The following TMEM51 variants were observed in gnomAD, a reference collection of about 807,000 sequenced individuals.
TMEM51 encodes the protein transmembrane protein 51, also known as chromosome 1 open reading frame 72.
Under a neutral mutation model 13.6 loss-of-function variants are expected in TMEM51, and 8 were observed. The observed-to-expected ratio is 0.59, with a 90% CI of 0.35 to 1.07. The LOEUF (loss-of-function observed/expected upper bound fraction) is 1.07, where lower values mean the gene tolerates loss of function less well. TMEM51 is among the 50% of genes least tolerant of loss of function. TMEM51 has a pLI of 0.02. For synonymous variants in TMEM51, 147 were observed against 144.4 expected, an observed-to-expected ratio of 1.02 and a Z score of -0.13; for missense variants, 279 against 330.7, an observed-to-expected ratio of 0.84 and a Z score of 1.21.
intron 1 of TMEM51, among the ~76,000 whole-genome samples, chr1:15,154,783 G>T (rs1642530380): frequency 6.6e-6 from 1 of 152,148 alleles, no homozygotes; most frequent in Admixed American, 6.5e-5. Flanking sequence ...CCCGTGGGGT[G>T]TCCTGCGCAG....
chr1:15,219,014 A>G (rs189711291), intron 3 of TMEM51, among the ~76,000 whole-genome samples: 1 of 152,302 alleles, frequency 6.6e-6, no homozygotes, highest in Admixed American at 6.5e-5. Context: ...TCACCCTTGA[A>G]TTCCTTCCTT....
At chr1:15,156,695 A>T (rs6429717) in intron 1 of TMEM51, among the ~76,000 whole-genome samples, 18 of 152,030 alleles carry the variant, frequency 1.2e-4, no homozygotes. Context: ...TCTCAGGTGG[A>T]GGGGACCTTC....
chr1:15,171,232 C>A (rs1557835760), intron 1 of TMEM51: 2 of 1,304,000 alleles, frequency 1.5e-6, no homozygotes, highest in Non-Finnish European at 2.0e-6. Context: ...CCTGGAAGAT[C>A]GCTGTTTGAG....
intron 3 of TMEM51, 105 bp downstream of exon 3, chr1:15,215,536 C>A: frequency 2.8e-6 from 3 of 1,088,776 alleles, no homozygotes; most frequent in African/African-American, 1.6e-5. Flanking sequence ...CATCTACAGG[C>A]TTTATTGTCC....
intron 1 of TMEM51, among the ~76,000 whole-genome samples, chr1:15,209,839 T>A (rs116610038): frequency 6.0e-4 from 91 of 152,296 alleles, no homozygotes; most frequent in African/African-American, 2.1e-3. Context: ...CGGACCAGCA[T>A]GGCCAACATG....
intron 1 of TMEM51, among the ~76,000 whole-genome samples, chr1:15,201,890 G>C (rs1644162893): frequency 6.6e-6 from 1 of 152,152 alleles, no homozygotes; most frequent in African/African-American, 2.4e-5. Flanking sequence ...GGAACACAGA[G>C]GGCTTGCTTC....
At chr1:15,195,386 CT>C (rs1236841194) in intron 1 of TMEM51, among the ~76,000 whole-genome samples, 2 of 152,028 alleles carry the variant, frequency 1.3e-5, no homozygotes, top group Admixed American at 1.3e-4. Context: ...GTGAGATTTT[CT>C]TTTTGTCCTG....
At chr1:15,192,856 G>A in intron 1 of TMEM51, 1 of 171,356 alleles carries the variant, frequency 5.8e-6, no homozygotes, top group East Asian at 1.6e-4. Context: ...CTCTGCAGCA[G>A]TGGGAGAAGG....
intron 1 of TMEM51, among the ~76,000 whole-genome samples, chr1:15,164,701 A>C (rs1642922214): frequency 6.6e-6 from 1 of 151,890 alleles, no homozygotes; most frequent in South Asian, 2.1e-4. Flanking sequence ...AAATTTAAAA[A>C]CTTTGATATA....
At chr1:15,199,676 C>T (rs1380647052) in intron 1 of TMEM51, among the ~76,000 whole-genome samples, 2 of 152,200 alleles carry the variant, frequency 1.3e-5, no homozygotes, top group Non-Finnish European at 2.9e-5. Flanking sequence ...TTCTCTGTCA[C>T]CAGGGCCCTC....
chr1:15,192,122 C>T (rs16851384), intron 1 of TMEM51: 80,712 of 458,248 alleles, frequency 0.18, 7,634 homozygotes, highest in African/African-American at 0.23. Context: ...ACCAGCTGTC[C>T]GTTTTGATGA....
intron 1 of TMEM51, among the ~76,000 whole-genome samples, chr1:15,196,664 A>G (rs148270262): frequency 5.1e-4 from 77 of 152,294 alleles, no homozygotes; most frequent in African/African-American, 1.8e-3. Context: ...CTTTAATTTT[A>G]TTGAATTAAG....
chr1:15,173,457 G>A (rs1435798508), intron 1 of TMEM51, among the ~76,000 whole-genome samples: 1 of 151,918 alleles, frequency 6.6e-6, no homozygotes, highest in Non-Finnish European at 1.5e-5. Context: ...CTGACCTCAA[G>A]TGATCCACCC....
chr1:15,176,699 A>T (rs1643466678), intron 1 of TMEM51, among the ~76,000 whole-genome samples: 1 of 152,234 alleles, frequency 6.6e-6, no homozygotes, highest in Non-Finnish European at 1.5e-5. Context: ...CACAAAGTGC[A>T]TGGTCAAGGA....
chr1:15,195,188 C>T (rs1033950687), intron 1 of TMEM51, among the ~76,000 whole-genome samples: 1 of 152,108 alleles, frequency 6.6e-6, no homozygotes, highest in Non-Finnish European at 1.5e-5. Context: ...CTACCTCGGC[C>T]TCCCAAAGTG....
chr1:15,194,265 A>G (rs1303375949), intron 1 of TMEM51, among the ~76,000 whole-genome samples: 2 of 152,264 alleles, frequency 1.3e-5, no homozygotes, highest in Non-Finnish European at 2.9e-5. Flanking sequence ...ATTTAGCTCG[A>G]CATGTTCAAA....
At chr1:15,217,346 C>T (rs1644447319) in intron 3 of TMEM51, among the ~76,000 whole-genome samples, 1 of 152,194 alleles carries the variant, frequency 6.6e-6, no homozygotes, top group African/African-American at 2.4e-5. Context: ...CCACTTCTTA[C>T]TTTTGCACAT....
chr1:15,161,282 G>A lies in TMEM51; in HGVS notation c.-267+7328G>A, dbSNP rs529611467. Among the ~76,000 whole-genome samples, 17 of 151,708 alleles carry A rather than the reference G, an allele frequency of 1.1e-4. 1 individual carries two copies. The highest frequency in any genetic ancestry group is 4.1e-4 in the African/African-American group (17 of 41,214). ...AGCACTTTGGGAGGCCAAAGCAGGT[G>A]GATTGCTTGAGGTCAGGAGTTCACG... On this transcript the variant is annotated intron_variant, in intron 1 of 3. Transcript: ENST00000376008. This position sits in a 1 kb window ranked among gnomAD's most constrained non-coding sequence, Gnocchi z 4.0.
chr1:15,212,481 GCGTCCCA>G (rs58228587), intron 2 of TMEM51, among the ~76,000 whole-genome samples: 46,317 of 151,856 alleles, frequency 0.31, 7,426 homozygotes, highest in Non-Finnish European at 0.37. Context: ...CACACTCTCA[GCGTCCCA>G]CGTACAAGGC....
Sources: allele counts gnomAD v4.1 joint callset (sites outside exome capture counted in the v4.1 genomes callset), GRCh38; gene constraint gnomAD v4.1.1; non-coding constraint Gnocchi (gnomAD v3.1); transcripts MANE v1.5; gene names NCBI Gene and HGNC (gene_info 2026-07-23, HGNC 2026-07-21).